Variants in TNFRSF1A observed in about 807,000 individuals in gnomAD.
The protein encoded by TNFRSF1A is tumor necrosis factor receptor superfamily member 1A.
A neutral mutation model predicts 41.6 loss-of-function variants in TNFRSF1A; 9 were observed. That is an observed-to-expected ratio of 0.22 (90% CI 0.13 to 0.38). The LOEUF is 0.38. Among genes scored for constraint, TNFRSF1A ranks in the 10% least tolerant of loss-of-function variants. The pLI is 1.00. For missense variants in TNFRSF1A, 463 were observed against 591.5 expected (o/e 0.78, Z 2.25); for synonymous variants, 254 against 248.6 (o/e 1.02, Z -0.21).
Position 6,337,437 on chromosome 12 carries a change from G to A in TNFRSF1A, c.40-3193C>T, listed in dbSNP as rs568751043. ...AGAGTGGGGAGGCGACGCTGAGATCGGCCTTGTGGTCTGACCCCGATCCAG... is the reference window on the plus strand; with the variant it reads ...AGAGTGGGGAGGCGACGCTGAGATCAGCCTTGTGGTCTGACCCCGATCCAG... On this transcript the variant is annotated intron_variant, in intron 1 of 9. Coordinates refer to ENST00000162749, the MANE Select transcript of TNFRSF1A (RefSeq NM_001065.4). This position sits in a 1 kb window ranked among gnomAD's most constrained non-coding sequence, Gnocchi z 4.6. Among the ~76,000 whole-genome samples the A allele has an allele frequency of 6.7e-4, 102 of 152,274 alleles. 1 individual carries two copies. The highest frequency in any genetic ancestry group is 2.2e-3 in the African/African-American group (92 of 41,548).
Position 6,342,073 on chromosome 12 carries a change from G to T in TNFRSF1A, c.-259C>A. Reference sequence around the variant, plus strand: ...GAGGGGAGAGAAGGTGGGAGGGGAAGAGTGAGGCAGTGTTGCAACAGCGGG... The same window carrying T: ...GAGGGGAGAGAAGGTGGGAGGGGAATAGTGAGGCAGTGTTGCAACAGCGGG... On this transcript the variant is annotated 5_prime_UTR_variant, in exon 1 of 10. Coordinates refer to ENST00000162749, the MANE Select transcript of TNFRSF1A (RefSeq NM_001065.4). 1 of 566,522 alleles carries T rather than the reference G, an allele frequency of 1.8e-6. No homozygotes were observed. Among genetic ancestry groups the T allele is most frequent in the Non-Finnish European group, 3.2e-6 (1 of 312,152 alleles). 35.1% of individuals were successfully genotyped at this position (566,522 alleles called of 1,614,324 possible).
In TNFRSF1A at chr12:6,329,833, G is replaced by A. The variant is rs748720159; in HGVS notation, c.1002C>T (p.Ile334=). 16 of 1,604,766 alleles carry A rather than the reference G, an allele frequency of 1.0e-5. No individual in the cohort carries two copies. In the South Asian group the frequency reaches 1.6e-4, roughly 16 times the overall value. Reference sequence around the variant, plus strand: ...CCTCCCACTTCTGAAGGGGGTTGGGGATGGGGTCGGAGGCGAGGGCTGTCG... The same window carrying A: ...CCTCCCACTTCTGAAGGGGGTTGGGAATGGGGTCGGAGGCGAGGGCTGTCG... The part of the protein sequence containing the change: ...ILATALASDP[I]PNPLQKWEDS... The change falls in exon 9 of 10, where the codon ATC becomes ATT. Residue 334 remains isoleucine (I), a synonymous_variant. Transcript: ENST00000162749.
chr12:6,331,870 A>C (rs915148798), intron 5 of TNFRSF1A: 6 of 180,622 alleles, frequency 3.3e-5, no homozygotes, highest in African/African-American at 1.4e-4. Flanking sequence ...GCATGGTGGC[A>C]CGTGCCTGTA....
chr12:6,334,191 G>A lies in TNFRSF1A; in HGVS notation c.93C>T (p.Val31=). 2 of 1,614,056 alleles carry A rather than the reference G, an allele frequency of 1.2e-6. No homozygotes were observed. Among genetic ancestry groups the A allele is most frequent in the Non-Finnish European group, 1.7e-6 (2 of 1,179,964 alleles). Residue 31 remains valine, a synonymous_variant, in exon 2 of 10, where the codon GTC becomes GTT. Coordinates refer to ENST00000162749, the MANE Select transcript of TNFRSF1A (RefSeq NM_001065.4). This position sits in a 1 kb window ranked among gnomAD's most constrained non-coding sequence, Gnocchi z 5.1. Reference sequence around the variant, plus strand: ...TCTTCTCCCTGTCCCCTAGGTGAGGGACCAGTCCAATAACCCCTGAGGGGT... The same window carrying A: ...TCTTCTCCCTGTCCCCTAGGTGAGGAACCAGTCCAATAACCCCTGAGGGGT... ...GIYPSGVIGL[V]PHLGDREKRD...
intron 9 of TNFRSF1A, 53 bp downstream of exon 9, chr12:6,329,725 G>A: frequency 6.4e-7 from 1 of 1,553,384 alleles, no homozygotes; most frequent in Non-Finnish European, 8.7e-7. Context: ...CGCCTCCCGC[G>A]CTCCCCCGGC....
Position 6,333,590 on chromosome 12 carries a change from A to T in TNFRSF1A, c.323-74T>A. On this transcript the variant is annotated intron_variant, in intron 3 of 9. Coordinates refer to ENST00000162749, the MANE Select transcript of TNFRSF1A (RefSeq NM_001065.4). This position sits in a 1 kb window ranked among gnomAD's most constrained non-coding sequence, Gnocchi z 6.3. ...GCATCCCCTTCCTGACATACCCCTA[A>T]GTGTGTGTCTCTGTAATACACACTC... 6 of 1,602,730 alleles carry T rather than the reference A, an allele frequency of 3.7e-6. No homozygotes were observed. The highest frequency in any genetic ancestry group is 5.1e-6 in the Non-Finnish European group (6 of 1,171,918).
rs202150552 is a variant in TNFRSF1A, at chr12:6,330,665, A to G, written c.672T>C (p.Leu224=). The change falls in exon 7 of 10, where the codon CTT becomes CTC. Residue 224 remains leucine, a synonymous_variant. Transcript: ENST00000162749. ...LPLVIFFGLC[L]LSLLFIGLMY... ...TTAAACCAATGAAGAGGAGGGATAA[A>G]AGGCAAAGACCAAAGAAAATGACCA... is the stretch of plus-strand genomic sequence containing the variant. The G allele has an allele frequency of 1.0e-4, 168 of 1,613,954 alleles. No homozygotes were observed. Among genetic ancestry groups the G allele is most frequent in the Non-Finnish European group, 1.3e-4 (157 of 1,179,936 alleles).
In TNFRSF1A at chr12:6,333,062, T is replaced by C. The variant is rs1160601700; in HGVS notation, c.551+7A>G. 1 of 1,613,264 alleles carries C rather than the reference T, an allele frequency of 6.2e-7. No homozygotes were observed. The highest frequency in any genetic ancestry group is 8.5e-7 in the Non-Finnish European group (1 of 1,179,392). On this transcript the variant is annotated splice_region_variant and intron_variant, in intron 5 of 9. Transcript: ENST00000162749. The surrounding 1 kb of genome is among the most constrained non-coding windows in gnomAD (Gnocchi z 6.3). The stretch of plus-strand genomic sequence containing the variant: ...TCCAGTGCCCAGCAGCTCTCAGAGA[T>C]ACTCACTTACTACAGGAGACACACT...
chr12:6,335,291 G>A (rs974528153), intron 1 of TNFRSF1A, among the ~76,000 whole-genome samples: 2 of 152,158 alleles, frequency 1.3e-5, no homozygotes, highest in African/African-American at 2.4e-5. Flanking sequence ...ATGGGTAGAC[G>A]GGGGACAAAG....
chr12:6,333,200 C>A lies in TNFRSF1A; in HGVS notation c.473-53G>T, dbSNP rs749590182. The A allele has an allele frequency of 1.3e-6, 2 of 1,591,552 alleles. No homozygotes were observed. Among genetic ancestry groups the A allele is most frequent in the Admixed American group, 3.4e-5 (2 of 58,906 alleles). ...AGGAGAAGCGCCTGCACCCCCACCC[C>A]ACAGGACAGAGGAAGTGACGAGGGA... On this transcript the variant is annotated intron_variant, in intron 4 of 9. Transcript: ENST00000162749. The surrounding 1 kb of genome is among the most constrained non-coding windows in gnomAD (Gnocchi z 6.3).
In TNFRSF1A at chr12:6,333,351, G is replaced by C. The variant is rs1172858684; in HGVS notation, c.472+16C>G. 2.5e-6 allele frequency: 4 copies of C among 1,612,266 alleles called. No homozygotes were observed. The highest frequency in any genetic ancestry group is 3.4e-6 in the Non-Finnish European group (4 of 1,179,306). ...GGGGTGGGGAGAGGGCTTGGCCTCA[G>C]GAGAGCTGCGCTCACAGGAGAGGTG... On this transcript the variant is annotated intron_variant, in intron 4 of 9. Coordinates refer to ENST00000162749, the MANE Select transcript of TNFRSF1A (RefSeq NM_001065.4). The surrounding 1 kb of genome is among the most constrained non-coding windows in gnomAD (Gnocchi z 6.3).
rs764886071 is a variant in TNFRSF1A at position 6,341,737 on chromosome 12, C to T, written c.39+39G>A. 19 of 1,612,934 alleles carry T rather than the reference C, an allele frequency of 1.2e-5. 1 individual carries two copies. Among genetic ancestry groups the T allele is most frequent in the Non-Finnish European group, 1.4e-5 (16 of 1,179,540 alleles). ...GGCCCACGCCAGCCGGAAGGTGCCTCGCCCACCAGCCCACTCTTCCCTTTG... is the reference window on the plus strand; with the variant it reads ...GGCCCACGCCAGCCGGAAGGTGCCTTGCCCACCAGCCCACTCTTCCCTTTG... On this transcript the variant is annotated intron_variant, in intron 1 of 9. Transcript: ENST00000162749. This position sits in a 1 kb window ranked among gnomAD's most constrained non-coding sequence, Gnocchi z 4.6.
In TNFRSF1A at chr12:6,330,029, G is replaced by T; in HGVS notation, c.806C>A (p.Pro269Gln). ...LEGTTTKPLA[P>Q]NPSFSPTPGF... ...TGGAGTGGGACTGAAGCTTGGGTTT[G>T]GGGCCAGGGGCTTAGTAGTAGTTCC... The change falls in exon 9 of 10, where the codon CCA (proline) becomes CAA (glutamine). Residue 269 changes from proline (P) to glutamine (Q), a missense_variant. Physicochemically the swap from Pro to Gln is moderately conservative, Grantham distance 76. This residue lies in a region of TNFRSF1A where 277 missense variants were observed against 288.8 expected (regional missense o/e 0.96). Coordinates refer to ENST00000162749, the MANE Select transcript of TNFRSF1A (RefSeq NM_001065.4). 1 of 1,612,302 alleles carries T rather than the reference G, an allele frequency of 6.2e-7. No homozygotes were observed. Among genetic ancestry groups the T allele is most frequent in the South Asian group, 1.1e-5 (1 of 90,932 alleles).
At chr12:6,338,694 TC>T (rs1948150039) in intron 1 of TNFRSF1A, among the ~76,000 whole-genome samples, 1 of 151,640 alleles carries the variant, frequency 6.6e-6, no homozygotes, top group Non-Finnish European at 1.5e-5. Flanking sequence ...AGTGGTGTGG[TC>T]AGGGCTCACT....
Position 6,328,951 on chromosome 12 carries a change from A to G in TNFRSF1A, c.*361T>C, listed in dbSNP as rs925574432. On this transcript the variant is annotated 3_prime_UTR_variant, in exon 10 of 10. Coordinates refer to ENST00000162749, the MANE Select transcript of TNFRSF1A (RefSeq NM_001065.4). ...GATTGATTTAAAAACAAAACAAAAC[A>G]AAACAAAAACAAAAAAAACTGCTTA... The G allele has an allele frequency of 3.2e-5, 9 of 281,430 alleles. No homozygotes were observed. The highest frequency in any genetic ancestry group is 2.0e-4 in the African/African-American group (9 of 45,756). The allele number at this position is 281,430 out of a possible 1,614,324, so 17.4% of individuals were successfully genotyped here.
At position 6,331,015 on chromosome 12, in the gene TNFRSF1A, T is replaced by C; in HGVS notation, c.552-89A>G. Reference sequence around the variant, plus strand: ...CACACAGATTGTTGGACATCCTTTCTTTACAAATATTTTTGCTGTCTCTTG... The same window carrying C: ...CACACAGATTGTTGGACATCCTTTCCTTACAAATATTTTTGCTGTCTCTTG... On this transcript the variant is annotated intron_variant, in intron 5 of 9. Transcript: ENST00000162749. 2.7e-6 allele frequency: 3 copies of C among 1,116,212 alleles called. No individual in the cohort carries two copies. The South Asian group carries it at 3.9e-5, about 15-fold the overall frequency. 69.1% of individuals were successfully genotyped at this position (1,116,212 alleles called of 1,614,324 possible).
intron 1 of TNFRSF1A, among the ~76,000 whole-genome samples, chr12:6,335,433 C>T (rs1313316048): frequency 1.3e-5 from 2 of 152,126 alleles, no homozygotes; most frequent in Non-Finnish European, 2.9e-5. Flanking sequence ...GAGCCCCCTG[C>T]ACACCATGGC....
intron 6 of TNFRSF1A, 49 bp downstream of exon 6, chr12:6,330,801 CAAG>C: frequency 6.3e-7 from 1 of 1,592,416 alleles, no homozygotes; most frequent in South Asian, 1.1e-5. Context: ...CGGGTGGGGG[CAAG>C]AAGAGGGAGA....
chr12:6,336,057 G>C (rs1400125635), intron 1 of TNFRSF1A, among the ~76,000 whole-genome samples: 1 of 152,208 alleles, frequency 6.6e-6, no homozygotes, highest in African/African-American at 2.4e-5. Context: ...AGTCCTGAAA[G>C]TGTGGTTCCT....
Sources: allele counts gnomAD v4.1 joint callset (sites outside exome capture counted in the v4.1 genomes callset), GRCh38; gene constraint gnomAD v4.1.1; regional missense constraint gnomAD v4.1.1; non-coding constraint Gnocchi (gnomAD v3.1); transcripts MANE v1.5; gene names NCBI Gene and HGNC (gene_info 2026-07-23, HGNC 2026-07-21).